PDE1C: variants seen among roughly 807,000 people sequenced by gnomAD.
The protein encoded by PDE1C is phosphodiesterase 1C.
PDE1C carries 62 observed loss-of-function variants against 93.1 expected under a neutral mutation model. That is an observed-to-expected ratio of 0.67 (90% confidence interval 0.54 to 0.82). PDE1C has a LOEUF of 0.82. Ranked by LOEUF, PDE1C falls within the 40% of genes least tolerant of loss-of-function variation. The pLI, the probability that PDE1C is intolerant of heterozygous loss-of-function variation, is 0.00. For missense variants in PDE1C, 742 were observed against 884.6 expected (o/e 0.84, Z 2.04); for synonymous variants, 325 against 310.1 (o/e 1.05, Z -0.50).
chr7:31,766,631 G>A (rs28639744), intron 17 of PDE1C, among the ~76,000 whole-genome samples: 19,760 of 152,030 alleles, frequency 0.13, 1,598 homozygotes, highest in Non-Finnish European at 0.18. Context: ...TCATTGCTGC[G>A]CATTTATGTA....
chr7:31,876,582 G>C (rs1796618027), intron 5 of PDE1C, among the ~76,000 whole-genome samples: 1 of 152,110 alleles, frequency 6.6e-6, no homozygotes, highest in Non-Finnish European at 1.5e-5. Flanking sequence ...CAATAATGAT[G>C]CTTTTAATGT....
At chr7:32,201,629 G>C (rs1805019712) in intron 2 of PDE1C, among the ~76,000 whole-genome samples, 1 of 152,154 alleles carries the variant, frequency 6.6e-6, no homozygotes, top group Admixed American at 6.5e-5. Flanking sequence ...CCCAGGAGTG[G>C]CTCTGATTCC....
chr7:31,971,770 T>C (rs1403793739), intron 2 of PDE1C, among the ~76,000 whole-genome samples: 1 of 152,194 alleles, frequency 6.6e-6, no homozygotes, highest in Admixed American at 6.5e-5. Context: ...CACTCCCTTC[T>C]TCCTCCAAGG....
At chr7:32,411,985 C>T (rs1350050374) in intron 1 of PDE1C, among the ~76,000 whole-genome samples, 2 of 152,034 alleles carry the variant, frequency 1.3e-5, no homozygotes, top group African/African-American at 4.8e-5. Flanking sequence ...TGCCTTCTAC[C>T]TCCATATCTT....
chr7:31,786,335 GT>G (rs1445495999), intron 16 of PDE1C: 2 of 151,168 alleles, frequency 1.3e-5, no homozygotes, highest in African/African-American at 4.9e-5. Flanking sequence ...CCATAGAGAA[GT>G]TTTTATTTTA....
chr7:32,109,677 C>T (rs569792921), intron 3 of PDE1C, among the ~76,000 whole-genome samples: 10 of 152,276 alleles, frequency 6.6e-5, no homozygotes, highest in African/African-American at 1.9e-4. Context: ...TGGAAGGGCA[C>T]GCAGCAGAGA....
At chr7:32,360,516 G>A (rs376763264) in intron 1 of PDE1C, among the ~76,000 whole-genome samples, 3 of 152,168 alleles carry the variant, frequency 2.0e-5, no homozygotes, top group Admixed American at 2.0e-4. Context: ...TCTGGTTCTT[G>A]TCCATTCAGA....
rs76121061 is a variant in PDE1C at position 32,247,285 on chromosome 7, T to C, written c.86-37746A>G. On this transcript the variant is annotated intron_variant, in intron 1 of 18. Coordinates refer to the PDE1C transcript ENST00000396193. ...CCAGGTCTTGGGAGCCTAGGGCTTCTTGGCCAAACTCAAATTTTTTTATTT... is the reference window on the plus strand; with the variant it reads ...CCAGGTCTTGGGAGCCTAGGGCTTCCTGGCCAAACTCAAATTTTTTTATTT... Among the ~76,000 whole-genome samples, 259 of 122,202 alleles carry C rather than the reference T, an allele frequency of 2.1e-3. 25 individuals carry two copies. The highest frequency in any genetic ancestry group is 7.7e-3 in the African/African-American group (249 of 32,318). 80.2% of individuals were successfully genotyped at this position (122,202 alleles called of 152,430 possible).
At chr7:32,314,853 C>T (rs1301513443) in intron 1 of PDE1C, among the ~76,000 whole-genome samples, 2 of 151,954 alleles carry the variant, frequency 1.3e-5, no homozygotes, top group Admixed American at 6.6e-5. Context: ...CATGCTCCTC[C>T]ATCTGTTGTT....
intron 13 of PDE1C, 97 bp downstream of exon 13, chr7:31,824,770 G>T: frequency 1.3e-6 from 2 of 1,483,304 alleles, no homozygotes; most frequent in Non-Finnish European, 9.2e-7. Flanking sequence ...TAAGGCAAAT[G>T]CCATTATGAA....
chr7:31,662,660 A>G, the PDE1C span, among the ~76,000 whole-genome samples: 3 of 152,172 alleles, frequency 2.0e-5, no homozygotes, highest in Admixed American at 2.0e-4. Flanking sequence ...TTTGTCCTGT[A>G]AATGTGTAAA....
At chr7:31,668,897 CA>C in the PDE1C span, among the ~76,000 whole-genome samples, 2 of 151,878 alleles carry the variant, frequency 1.3e-5, no homozygotes, top group South Asian at 4.2e-4. Flanking sequence ...AAGGAGTTTC[CA>C]GAGAGGGAAC....
chr7:31,651,889 C>A, the PDE1C span: 1 of 1,317,052 alleles, frequency 7.6e-7, no homozygotes, highest in Non-Finnish European at 1.1e-6. Context: ...TGGAAGATTG[C>A]ACCTGGGAAG....
In PDE1C at chr7:31,809,036, G is replaced by T; in HGVS notation, c.1886C>A (p.Thr629Lys). 3.2e-6 allele frequency: 5 copies of T among 1,561,312 alleles called. No individual in the cohort carries two copies. The highest frequency in any genetic ancestry group is 4.4e-6 in the Non-Finnish European group (5 of 1,133,750). ...HSNIGNDSKK[T>K]DGTKQRSHGS... The stretch of plus-strand genomic sequence containing the variant: ...AATGAGAATAATACTCTTACCATCT[G>T]TTTTCTTTGAATCATTTCCGATGTT... The change falls in exon 16 of 18, where the codon ACA (threonine) becomes AAA (lysine). Residue 629 changes from threonine (T) to lysine (K), a missense_variant. By Grantham distance (78) the Thr-to-Lys change is moderately conservative (BLOSUM62 -1). Around this residue, in one of 4 missense-constraint regions of PDE1C, gnomAD observed 454 missense variants for 459.4 expected, o/e 0.99. Transcript: ENST00000396191.
At chr7:31,823,635 C>T (rs1244397528) in intron 13 of PDE1C, among the ~76,000 whole-genome samples, 1 of 152,076 alleles carries the variant, frequency 6.6e-6, no homozygotes, top group African/African-American at 2.4e-5. Context: ...GACCACTTTT[C>T]CAAGTTACCT....
intron 3 of PDE1C, among the ~76,000 whole-genome samples, chr7:32,095,661 G>A (rs1797713641): frequency 6.6e-6 from 1 of 152,150 alleles, no homozygotes; most frequent in Non-Finnish European, 1.5e-5. Context: ...CAAATATGCT[G>A]CTTCTAGCAT....
intron 1 of PDE1C, among the ~76,000 whole-genome samples, chr7:32,382,371 G>A (rs1784551885): frequency 6.6e-6 from 1 of 152,134 alleles, no homozygotes. Context: ...TCACTGTTCA[G>A]TAAAAAGAGT....
chr7:31,636,181 G>C, the PDE1C span, among the ~76,000 whole-genome samples: 1 of 152,070 alleles, frequency 6.6e-6, no homozygotes, highest in Non-Finnish European at 1.5e-5. Context: ...CCTCCCACCA[G>C]GTCCCTCCCA....
chr7:32,114,193 G>A (rs563206207), intron 3 of PDE1C, among the ~76,000 whole-genome samples: 111 of 152,182 alleles, frequency 7.3e-4, no homozygotes, highest in African/African-American at 2.5e-3. Context: ...AACAAAGCAG[G>A]AGGCATCATG....
Sources: allele counts gnomAD v4.1 joint callset (sites outside exome capture counted in the v4.1 genomes callset), GRCh38; gene constraint gnomAD v4.1.1; regional missense constraint gnomAD v4.1.1; transcripts MANE v1.5; gene names NCBI Gene and HGNC (gene_info 2026-07-23, HGNC 2026-07-21).